KLF8: variants seen among roughly 807,000 people sequenced by gnomAD.
The protein encoded by KLF8 is Krueppel-like factor 8.
KLF8 carries 10 observed loss-of-function variants against 18.2 expected under a neutral mutation model. That is an observed-to-expected ratio of 0.55 (90% CI 0.34 to 0.93). The LOEUF is 0.93. Ranked by LOEUF, KLF8 falls within the 40% of genes least tolerant of loss-of-function variation. KLF8 has a pLI of 0.02. For missense variants in KLF8, 264 were observed against 277.9 expected (o/e 0.95, Z 0.36); for synonymous variants, 109 against 97.3 (o/e 1.12, Z -0.71).
chrX:56,209,743 G>T, the KLF8 span, among the ~76,000 whole-genome samples: 1 of 111,257 alleles, frequency 9.0e-6, no homozygotes, highest in East Asian at 2.8e-4. Flanking sequence ...TTTATCTAGT[G>T]AATGTGATTT....
chrX:56,067,486 G>T, the KLF8 span, among the ~76,000 whole-genome samples: 1 of 110,999 alleles, frequency 9.0e-6, no homozygotes, highest in East Asian at 2.9e-4. Context: ...TGTTCTCAAA[G>T]AAAGGAAACA....
the KLF8 span, among the ~76,000 whole-genome samples, chrX:56,183,381 G>A: frequency 8.9e-6 from 1 of 111,988 alleles, no homozygotes; most frequent in Non-Finnish European, 1.9e-5. Flanking sequence ...GGCTCCCCTT[G>A]GCTAGGAAAG....
chrX:56,081,012 G>A, the KLF8 span, among the ~76,000 whole-genome samples: 1 of 110,413 alleles, frequency 9.1e-6, no homozygotes, highest in Non-Finnish European at 1.9e-5. Flanking sequence ...GCTCCTTTAA[G>A]CACTTCTCTG....
At chrX:55,983,512 T>A in the KLF8 span, among the ~76,000 whole-genome samples, 1 of 111,977 alleles carries the variant, frequency 8.9e-6, no homozygotes, top group African/African-American at 3.2e-5. Flanking sequence ...AATTTCAATA[T>A]CCTGCAAACA....
chrX:55,956,176 C>T, the KLF8 span, among the ~76,000 whole-genome samples: 3 of 105,780 alleles, frequency 2.8e-5, no homozygotes, highest in Non-Finnish European at 5.8e-5. Context: ...TATCATCTAT[C>T]TATCTATCTA....
chrX:55,976,569 T>TACACATAC, the KLF8 span, among the ~76,000 whole-genome samples: 1 of 102,537 alleles, frequency 9.8e-6, no homozygotes, highest in East Asian at 3.0e-4. Context: ...TCCATTTGTG[T>TACACATAC]ACACACACAC....
At chrX:56,018,675 C>A in the KLF8 span, among the ~76,000 whole-genome samples, 1 of 110,544 alleles carries the variant, frequency 9.0e-6, no homozygotes, top group African/African-American at 3.3e-5. Flanking sequence ...TGCTAATTTG[C>A]TATACTATAT....
the KLF8 span, among the ~76,000 whole-genome samples, chrX:56,142,882 T>C: frequency 8.9e-6 from 1 of 112,112 alleles, no homozygotes; most frequent in Non-Finnish European, 1.9e-5. Flanking sequence ...CTAACATTAC[T>C]ACTGTGATGC....
At chrX:56,045,429 G>A in the KLF8 span, among the ~76,000 whole-genome samples, 1 of 111,019 alleles carries the variant, frequency 9.0e-6, no homozygotes, top group Non-Finnish European at 1.9e-5. Context: ...TTCTAGTTCT[G>A]TAAAGAATGA....
the KLF8 span, among the ~76,000 whole-genome samples, chrX:56,069,800 TTCCTGCCCAGCGG>T: frequency 9.0e-6 from 1 of 111,599 alleles, no homozygotes; most frequent in African/African-American, 3.3e-5. Flanking sequence ...CTTGCCCAGC[TTCCTGCCCAGCGG>T]TCCTGCCCAG....
the KLF8 span, among the ~76,000 whole-genome samples, chrX:55,914,772 A>G: frequency 1.8e-5 from 2 of 111,680 alleles, no homozygotes; most frequent in Non-Finnish European, 3.8e-5. Flanking sequence ...GTGTTTCATT[A>G]TGGCTGACAC....
the KLF8 span, among the ~76,000 whole-genome samples, chrX:56,170,296 G>A: frequency 2.7e-5 from 3 of 110,101 alleles, no homozygotes; most frequent in African/African-American, 9.9e-5. Context: ...ATATCCACAA[G>A]CATCAAGACC....
At chrX:55,968,359 T>C in the KLF8 span, among the ~76,000 whole-genome samples, 2 of 111,673 alleles carry the variant, frequency 1.8e-5, no homozygotes, top group African/African-American at 6.5e-5. Flanking sequence ...GAAATATACT[T>C]CTCCTAGAAA....
chrX:56,154,315 C>A, the KLF8 span, among the ~76,000 whole-genome samples: 1 of 111,715 alleles, frequency 9.0e-6, no homozygotes, highest in Non-Finnish European at 1.9e-5. Context: ...CTATAACTAT[C>A]TGATCTTTGA....
the KLF8 span, among the ~76,000 whole-genome samples, chrX:56,088,511 T>G: frequency 1.8e-5 from 2 of 111,811 alleles, no homozygotes; most frequent in African/African-American, 6.5e-5. Context: ...CTTATTAAAA[T>G]CTTCTGAGCT....
At chrX:56,181,974 G>GCT in the KLF8 span, among the ~76,000 whole-genome samples, 1 of 111,045 alleles carries the variant, frequency 9.0e-6, no homozygotes, top group Non-Finnish European at 1.9e-5. Flanking sequence ...TCTTCGTGGT[G>GCT]CTCTCTGTAT....
chrX:55,965,766 G>T, the KLF8 span, among the ~76,000 whole-genome samples: 1 of 112,047 alleles, frequency 8.9e-6, no homozygotes, highest in African/African-American at 3.2e-5. Context: ...GCCAAGTCAA[G>T]AACTCAATCG....
the KLF8 span, among the ~76,000 whole-genome samples, chrX:56,084,304 G>A: frequency 9.0e-6 from 1 of 110,704 alleles, no homozygotes; most frequent in Non-Finnish European, 1.9e-5. Flanking sequence ...GATTGCTTTA[G>A]CCCTAGAAGT....
the KLF8 span, among the ~76,000 whole-genome samples, chrX:56,135,101 T>A: frequency 9.0e-6 from 1 of 111,615 alleles, no homozygotes; most frequent in African/African-American, 3.3e-5. Context: ...ACACTGTTGG[T>A]GGGACTGGAA....
Sources: allele counts gnomAD v4.1 joint callset (sites outside exome capture counted in the v4.1 genomes callset), GRCh38; gene constraint gnomAD v4.1.1; transcripts MANE v1.5; gene names NCBI Gene and HGNC (gene_info 2026-07-23, HGNC 2026-07-21).